ITSN2: variants seen among roughly 807,000 people sequenced by gnomAD.
ITSN2 encodes the protein intersectin-2.
In ITSN2, 156 loss-of-function variants were observed where a neutral mutation model predicts 243.7. The ratio of observed to expected loss-of-function variants is 0.64; its 90% CI spans 0.56 to 0.73. ITSN2 has a LOEUF of 0.73. Ranked by LOEUF, ITSN2 falls within the 30% of genes least tolerant of loss-of-function variation. ITSN2 has a pLI of 0.00. For missense variants in ITSN2, 1,801 were observed against 1,996.1 expected, an observed-to-expected ratio of 0.90 and a Z score of 1.86; for synonymous variants, 703 against 699.9, an observed-to-expected ratio of 1.00 and a Z score of -0.07.
chr2:24,288,935 G>A (rs1263521961), intron 15 of ITSN2, among the ~76,000 whole-genome samples: 2 of 151,988 alleles, frequency 1.3e-5, no homozygotes, highest in East Asian at 3.9e-4. Context: ...TCTGCGCTTG[G>A]CTTACTTCAC....
intron 20 of ITSN2, among the ~76,000 whole-genome samples, chr2:24,265,836 T>A (rs1416795798): frequency 6.6e-6 from 1 of 152,242 alleles, no homozygotes; most frequent in Non-Finnish European, 1.5e-5. Flanking sequence ...ATTTAAGGTA[T>A]TCTCTTCTGC....
intron 21 of ITSN2, 23 bp downstream of exon 21, chr2:24,261,538 T>C (rs1207556077): frequency 6.4e-7 from 1 of 1,570,576 alleles, no homozygotes; most frequent in Non-Finnish European, 8.7e-7. Context: ...CTATATAAAC[T>C]TTACTGTTAG....
At chr2:24,218,085 C>A in intron 30 of ITSN2, 72 bp from the exon 31 acceptor site, 1 of 932,234 alleles carries the variant, frequency 1.1e-6, no homozygotes, top group Non-Finnish European at 1.7e-6. Context: ...CTAAATCAAA[C>A]AATGTCTTCA....
intron 17 of ITSN2, among the ~76,000 whole-genome samples, chr2:24,283,806 G>C (rs1301522953): frequency 6.6e-6 from 1 of 152,206 alleles, no homozygotes; most frequent in African/African-American, 2.4e-5. Context: ...CTCTGTGAGG[G>C]AGAACAGTCC....
At chr2:24,316,198 G>A (rs577860533) in intron 2 of ITSN2, among the ~76,000 whole-genome samples, 1 of 152,260 alleles carries the variant, frequency 6.6e-6, no homozygotes. Context: ...CTGTAAAAAG[G>A]TCTTAAATAC....
intron 17 of ITSN2, among the ~76,000 whole-genome samples, chr2:24,280,615 T>C (rs1354221302): frequency 1.3e-5 from 2 of 152,206 alleles, no homozygotes. Context: ...TCCATTTACA[T>C]CAGGGTCAGA....
intron 27 of ITSN2, 62 bp from the exon 28 acceptor site, chr2:24,246,955 T>G: frequency 8.8e-7 from 1 of 1,141,484 alleles, no homozygotes; most frequent in Admixed American, 2.1e-5. Flanking sequence ...CATTGAGACA[T>G]AACTTAAAAA....
At chr2:24,310,466 C>T (rs1558603838) in intron 6 of ITSN2, 23 bp downstream of exon 6, 1 of 1,610,646 alleles carries the variant, frequency 6.2e-7, no homozygotes, top group East Asian at 2.2e-5. Flanking sequence ...GAAATAATGA[C>T]TCTTTAGAAA....
chr2:24,270,815 C>A (rs371295196), intron 19 of ITSN2, 47 bp from the exon 20 acceptor site: 5 of 983,900 alleles, frequency 5.1e-6, no homozygotes, highest in African/African-American at 3.3e-5. Flanking sequence ...ATGTATACAT[C>A]TTTGCTATGA....
chr2:24,216,009 TCAGAAGGA>T, intron 32 of ITSN2, 32 bp downstream of exon 32: 1 of 1,498,050 alleles, frequency 6.7e-7, no homozygotes, highest in Middle Eastern at 1.8e-4. Flanking sequence ...GCCTCCAGCC[TCAGAAGGA>T]GCCTGACCCG....
intron 18 of ITSN2, among the ~76,000 whole-genome samples, chr2:24,273,335 G>A (rs1677609567): frequency 6.6e-6 from 1 of 152,100 alleles, no homozygotes; most frequent in African/African-American, 2.4e-5. Flanking sequence ...TCTCCTGTGA[G>A]GAAAATGCTT....
At chr2:24,319,290 G>A (rs1412498611) in intron 2 of ITSN2, among the ~76,000 whole-genome samples, 1 of 152,178 alleles carries the variant, frequency 6.6e-6, no homozygotes, top group East Asian at 1.9e-4. Flanking sequence ...GAAGGCACCT[G>A]AGGAAGAAAC....
intron 20 of ITSN2, among the ~76,000 whole-genome samples, chr2:24,263,547 G>C (rs1676197862): frequency 6.6e-6 from 1 of 152,028 alleles, no homozygotes; most frequent in Admixed American, 6.6e-5. Flanking sequence ...GTTTCCTCTT[G>C]TTCCACCATA....
intron 8 of ITSN2, among the ~76,000 whole-genome samples, chr2:24,305,576 CAAAAAAAAAAA>C (rs537945691): frequency 7.3e-5 from 3 of 40,898 alleles, no homozygotes; most frequent in African/African-American, 1.1e-4. Context: ...GACTCTGTCT[CAAAAAAAAAAA>C]AAAAAAAAAA....
intron 1 of ITSN2, among the ~76,000 whole-genome samples, chr2:24,339,008 G>A (rs1055290760): frequency 6.6e-6 from 1 of 152,140 alleles, no homozygotes; most frequent in African/African-American, 2.4e-5. Flanking sequence ...TGTCCTTGGA[G>A]TGAATGACAT....
chr2:24,271,761 C>CT lies in ITSN2; in HGVS notation c.2257+4dup, dbSNP rs1278530442. 6.3e-7 allele frequency: 1 copy of CT among 1,575,136 alleles called. No homozygotes were observed. Among genetic ancestry groups the CT allele is most frequent in the African/African-American group, 1.4e-5 (1 of 72,630 alleles). ...TCTACTGTCTCAAAGTATCCTTATCCTTACGTTTTTTCTCCTCAGCTTTCA... is the reference window on the plus strand; with the variant it reads ...TCTACTGTCTCAAAGTATCCTTATCCTTTACGTTTTTTCTCCTCAGCTTTCA... On this transcript the variant is annotated splice_donor_region_variant and intron_variant, in intron 19 of 39. Coordinates refer to ENST00000355123, the MANE Select transcript of ITSN2 (RefSeq NM_006277.3).
Position 24,313,483 on chromosome 2 carries a change from C to T in ITSN2, c.165G>A (p.Pro55=), listed in dbSNP as rs1390891334. 2.7e-5 allele frequency: 43 copies of T among 1,612,862 alleles called. No homozygotes were observed. The highest frequency in any genetic ancestry group is 4.0e-5 in the African/African-American group (3 of 74,810). The change falls in exon 4 of 40, where the codon CCG becomes CCA. Residue 55 remains proline (P), a synonymous_variant. Transcript: ENST00000355123. ...ACCATATTTCAGCTAAAACAGGGGC[C>T]GGCAGACCTGATTGTAGGAAAAAAT... The part of the protein sequence containing the change: ...ARNFFLQSGL[P]APVLAEIWAL...
Position 24,212,643 on chromosome 2 carries a change from C to T in ITSN2, c.4089+7G>A. 1 of 1,601,118 alleles carries T rather than the reference C, an allele frequency of 6.2e-7. No homozygotes were observed. The highest frequency in any genetic ancestry group is 8.5e-7 in the Non-Finnish European group (1 of 1,172,876). On this transcript the variant is annotated splice_region_variant and intron_variant, in intron 33 of 39. Coordinates refer to ENST00000355123, the MANE Select transcript of ITSN2 (RefSeq NM_006277.3). ...CTCAGACCCCACTGCCCGGCCTGCA[C>T]ACTCACACTTCTGATGAGCAGTGGG...
intron 2 of ITSN2, among the ~76,000 whole-genome samples, chr2:24,317,342 C>T (rs1413808110): frequency 6.6e-6 from 1 of 151,668 alleles, no homozygotes; most frequent in Admixed American, 6.6e-5. Context: ...TGAGATCACG[C>T]CATAGCACTC....
Sources: allele counts gnomAD v4.1 joint callset (sites outside exome capture counted in the v4.1 genomes callset), GRCh38; gene constraint gnomAD v4.1.1; transcripts MANE v1.5; gene names NCBI Gene and HGNC (gene_info 2026-07-23, HGNC 2026-07-21).